PCDHA3: variants seen among roughly 807,000 people sequenced by gnomAD.
PCDHA3 encodes protocadherin alpha-3.
PCDHA3 carries 41 observed loss-of-function variants against 62.2 expected under a neutral mutation model. The observed-to-expected ratio is 0.66, with a 90% CI of 0.51 to 0.86. The LOEUF is 0.86. Among genes scored for constraint, PCDHA3 ranks in the 40% least tolerant of loss-of-function variants. The probability of loss-of-function intolerance (pLI) is 0.00; values close to 1 mark genes in which losing one functional copy is unlikely to be tolerated. For missense variants in PCDHA3, 1,304 were observed against 1,241.2 expected, an observed-to-expected ratio of 1.05 and a Z score of -0.76; for synonymous variants, 640 against 555.4, an observed-to-expected ratio of 1.15 and a Z score of -2.14.
chr5:140,883,352 G>T (rs1554177776), intron 1 of PCDHA3: 1 of 1,614,164 alleles, frequency 6.2e-7, no homozygotes, highest in South Asian at 1.1e-5. Flanking sequence ...CATCAGAGAA[G>T]ACACTCAGCC....
intron 1 of PCDHA3, among the ~76,000 whole-genome samples, chr5:140,958,419 A>G (rs1275772647): frequency 6.6e-6 from 1 of 152,196 alleles, no homozygotes; most frequent in Non-Finnish European, 1.5e-5. Flanking sequence ...GCTTGGAAAG[A>G]AGCACTTTTT....
At chr5:140,876,745 G>T (rs782242909) in intron 1 of PCDHA3, 2 of 1,614,264 alleles carry the variant, frequency 1.2e-6, no homozygotes, top group South Asian at 2.2e-5. Flanking sequence ...TGAGCTGGTG[G>T]TGACTGCGCG....
chr5:140,981,582 A>C (rs2096939117), intron 2 of PCDHA3, among the ~76,000 whole-genome samples: 1 of 152,182 alleles, frequency 6.6e-6, no homozygotes, highest in African/African-American at 2.4e-5. Flanking sequence ...TCAAAAATAA[A>C]TAAAATAAAA....
chr5:140,999,450 A>G (rs2097858332), intron 3 of PCDHA3, among the ~76,000 whole-genome samples: 1 of 152,198 alleles, frequency 6.6e-6, no homozygotes, highest in Admixed American at 6.5e-5. Flanking sequence ...TATTCGTTCA[A>G]CGAATAAGTG....
Position 140,809,366 on chromosome 5 carries a change from C to A in PCDHA3, c.2394+5775C>A, listed in dbSNP as rs782392679. 3 of 1,613,980 alleles carry A rather than the reference C, an allele frequency of 1.9e-6. No homozygotes were observed. In the Admixed American group the frequency reaches 5.0e-5, roughly 27 times the overall value. ...CACCGCGCTGCGGTGCTCTGCGCTG[C>A]CCACCGAGGGCGCGTGCGCTCCGGG... On this transcript the variant is annotated intron_variant, in intron 1 of 3. Coordinates refer to ENST00000522353, the MANE Select transcript of PCDHA3 (RefSeq NM_018906.3).
chr5:140,962,554 C>T lies in PCDHA3; in HGVS notation c.2395-16395C>T, dbSNP rs567554880. ...TTAGAACTAAAAATGTAGAGGATCTCCCCCTAAAAGCCAATTGTTAATGCC... is the reference window on the plus strand; with the variant it reads ...TTAGAACTAAAAATGTAGAGGATCTTCCCCTAAAAGCCAATTGTTAATGCC... On this transcript the variant is annotated intron_variant, in intron 1 of 3. Transcript: ENST00000522353. 3.9e-5 allele frequency among the ~76,000 whole-genome samples: 6 copies of T among 152,284 alleles called. No individual in the cohort carries two copies. The South Asian group carries it at 1.2e-3, about 32-fold the overall frequency.
chr5:140,870,553 C>T, intron 1 of PCDHA3: 1 of 1,614,032 alleles, frequency 6.2e-7, no homozygotes, highest in East Asian at 2.2e-5. Flanking sequence ...CGCGGACGCG[C>T]AGGAGAACGC....
chr5:140,809,548 G>C (rs782016802), intron 1 of PCDHA3: 2 of 1,612,158 alleles, frequency 1.2e-6, no homozygotes, highest in Non-Finnish European at 1.7e-6. Context: ...ATCAGCTGCA[G>C]ACAACTGAGG....
chr5:140,818,409 C>T (rs1766349946), intron 1 of PCDHA3, among the ~76,000 whole-genome samples: 1 of 152,056 alleles, frequency 6.6e-6, no homozygotes, highest in Non-Finnish European at 1.5e-5. Flanking sequence ...TTTTATTTTC[C>T]TTTTTAAAAA....
intron 1 of PCDHA3, chr5:140,867,841 C>T (rs1554161566): frequency 1.3e-5 from 2 of 151,958 alleles, no homozygotes; most frequent in African/African-American, 4.8e-5. Flanking sequence ...GGTAATTTAC[C>T]ATTTAGTTGA....
chr5:140,843,636 TC>T, intron 1 of PCDHA3: 2 of 1,595,920 alleles, frequency 1.3e-6, no homozygotes, highest in Non-Finnish European at 1.7e-6. Context: ...CTCATGGCCT[TC>T]AGCCCCTGCC....
intron 1 of PCDHA3, among the ~76,000 whole-genome samples, chr5:140,819,486 C>T (rs1554127699): frequency 6.6e-6 from 1 of 152,094 alleles, no homozygotes. Context: ...GATGCTTAAA[C>T]ATGACTGAAA....
intron 3 of PCDHA3, among the ~76,000 whole-genome samples, chr5:140,999,585 G>C (rs1240906342): frequency 6.6e-6 from 1 of 152,152 alleles, no homozygotes; most frequent in Non-Finnish European, 1.5e-5. Flanking sequence ...AAGGGAAATT[G>C]CCTTCCCTAC....
At position 140,937,140 on chromosome 5, in the gene PCDHA3, C is replaced by T. The variant is rs553273845; in HGVS notation, c.2395-41809C>T. Among the ~76,000 whole-genome samples, 820 of 151,358 alleles carry T rather than the reference C, an allele frequency of 5.4e-3. 1 individual carries two copies. The highest frequency in any genetic ancestry group is 0.019 in the African/African-American group (789 of 41,228). On this transcript the variant is annotated intron_variant, in intron 1 of 3. Transcript: ENST00000522353. Reference sequence around the variant, plus strand: ...GCAAGCTCCGCCTCCCGGGTTCATGCCATTCTCCTGCCTCAGCCTCCCGAG... The same window carrying T: ...GCAAGCTCCGCCTCCCGGGTTCATGTCATTCTCCTGCCTCAGCCTCCCGAG...
intron 1 of PCDHA3, chr5:140,829,819 A>G: frequency 6.2e-7 from 1 of 1,613,876 alleles, no homozygotes. Flanking sequence ...CTGGTGGTGC[A>G]GTGAGCGAGC....
chr5:140,953,187 T>A (rs2094856489), intron 1 of PCDHA3, among the ~76,000 whole-genome samples: 1 of 152,148 alleles, frequency 6.6e-6, no homozygotes, highest in South Asian at 2.1e-4. Flanking sequence ...AGAATAAACT[T>A]GATTAGACTA....
At chr5:140,867,227 T>C (rs73793506) in intron 1 of PCDHA3, 1 of 152,106 alleles carries the variant, frequency 6.6e-6, no homozygotes, top group African/African-American at 2.4e-5. Context: ...CCAATTCCCA[T>C]AATAAGGTGA....
intron 1 of PCDHA3, among the ~76,000 whole-genome samples, chr5:140,941,202 C>CCTTTCTTCCTTCCTTTCTTT (rs1394736170): frequency 8.1e-5 from 10 of 122,740 alleles, no homozygotes; most frequent in African/African-American, 2.1e-4. Context: ...TTTCTTTCTT[C>CCTTTCTTCCTTCCTTTCTTT]CTTTCTTTCT....
At chr5:140,902,530 G>C (rs569387885) in intron 1 of PCDHA3, among the ~76,000 whole-genome samples, 1 of 152,026 alleles carries the variant, frequency 6.6e-6, no homozygotes, top group African/African-American at 2.4e-5. Flanking sequence ...TTATTATGTT[G>C]AGGTATGTTC....
Sources: allele counts gnomAD v4.1 joint callset (sites outside exome capture counted in the v4.1 genomes callset), GRCh38; gene constraint gnomAD v4.1.1; transcripts MANE v1.5; gene names NCBI Gene and HGNC (gene_info 2026-07-23, HGNC 2026-07-21).